NDC1: variants seen among roughly 807,000 people sequenced by gnomAD.
NDC1 encodes the protein NDC1 transmembrane nucleoporin.
NDC1 carries 24 observed loss-of-function variants against 89.8 expected under a neutral mutation model. The ratio of observed to expected loss-of-function variants is 0.27; its 90% CI spans 0.19 to 0.38. The LOEUF (loss-of-function observed/expected upper bound fraction) is 0.38, where lower values mean the gene tolerates loss of function less well. Among genes scored for constraint, NDC1 ranks in the 10% least tolerant of loss-of-function variants. NDC1 has a pLI of 1.00. For missense variants in NDC1, 728 were observed against 797.6 expected (o/e 0.91, Z 1.05); for synonymous variants, 296 against 284.8 (o/e 1.04, Z -0.39).
At chr1:53,805,288 C>T (rs577510319) in intron 9 of NDC1, among the ~76,000 whole-genome samples, 3 of 152,234 alleles carry the variant, frequency 2.0e-5, no homozygotes, top group African/African-American at 7.2e-5. Context: ...ACTGCAGCCT[C>T]CAACTCTTAG....
At chr1:53,798,293 C>T (rs1647793019) in intron 11 of NDC1, among the ~76,000 whole-genome samples, 1 of 150,548 alleles carries the variant, frequency 6.6e-6, no homozygotes, top group Non-Finnish European at 1.5e-5. Context: ...CCTCAGCCTC[C>T]CGAGTAGCTA....
At chr1:53,789,845 C>G (rs926686059) in intron 14 of NDC1, among the ~76,000 whole-genome samples, 1 of 150,572 alleles carries the variant, frequency 6.6e-6, no homozygotes, top group South Asian at 2.1e-4. Flanking sequence ...GGCTCATGCC[C>G]GTAATCCTAG....
At chr1:53,830,679 G>A (rs1464191984) in intron 3 of NDC1, among the ~76,000 whole-genome samples, 2 of 150,824 alleles carry the variant, frequency 1.3e-5, no homozygotes, top group Non-Finnish European at 3.0e-5. Flanking sequence ...TGACCAACAT[G>A]GAGAAATCCC....
chr1:53,791,486 A>G (rs990496663), intron 14 of NDC1, among the ~76,000 whole-genome samples: 3 of 152,120 alleles, frequency 2.0e-5, no homozygotes, highest in Non-Finnish European at 4.4e-5. Flanking sequence ...ATGTTGCTGT[A>G]AATGACACAA....
chr1:53,831,582 A>T (rs1234297269), intron 3 of NDC1, among the ~76,000 whole-genome samples: 1 of 151,990 alleles, frequency 6.6e-6, no homozygotes, highest in Admixed American at 6.6e-5. Flanking sequence ...CTGAGGCAGG[A>T]GAATCACTTG....
intron 7 of NDC1, among the ~76,000 whole-genome samples, chr1:53,808,031 CT>C (rs1157941123): frequency 6.6e-6 from 1 of 152,190 alleles, no homozygotes; most frequent in African/African-American, 2.4e-5. Context: ...AAAATCTTCA[CT>C]GACTTTTACT....
intron 9 of NDC1, among the ~76,000 whole-genome samples, chr1:53,804,778 C>T (rs898077816): frequency 7.4e-6 from 1 of 135,052 alleles, no homozygotes; most frequent in Non-Finnish European, 1.7e-5. Context: ...TGCCCGGCCA[C>T]CCTATTTTTT....
chr1:53,814,316 T>C (rs1019120391), intron 6 of NDC1, among the ~76,000 whole-genome samples: 9 of 152,010 alleles, frequency 5.9e-5, no homozygotes, highest in Non-Finnish European at 1.3e-4. Flanking sequence ...GATCGCGCCA[T>C]CGCACTCCAG....
At chr1:53,809,807 C>T in intron 6 of NDC1, 61 bp from the exon 7 acceptor site, 5 of 1,320,770 alleles carry the variant, frequency 3.8e-6, no homozygotes, top group Non-Finnish European at 5.5e-6. Flanking sequence ...TTTAGTCAAG[C>T]TTTAGAATAT....
In NDC1 at chr1:53,800,767, T is replaced by C. The variant is rs771920754; in HGVS notation, c.1148A>G (p.Tyr383Cys). Reference sequence around the variant, plus strand: ...CCCATTCGTAGCAGCAGCTTCTTGATAGAGAATCAGTTTCTGAGTCATACC... The same window carrying C: ...CCCATTCGTAGCAGCAGCTTCTTGACAGAGAATCAGTTTCTGAGTCATACC... ...LNGMTQKLILYQEAAATNGRV... is the reference protein window; with the variant it reads ...LNGMTQKLILCQEAAATNGRV... The change falls in exon 11 of 18, where the codon TAT becomes TGT. Residue 383 changes from tyrosine (Y) to cysteine (C), a missense_variant. Transcript: ENST00000371429. 11 of 1,614,048 alleles carry C rather than the reference T, an allele frequency of 6.8e-6. No individual in the cohort carries two copies. The highest frequency in any genetic ancestry group is 9.3e-6 in the Non-Finnish European group (11 of 1,179,934).
chr1:53,770,595 CT>C (rs1305167465), intron 17 of NDC1, among the ~76,000 whole-genome samples: 1 of 152,020 alleles, frequency 6.6e-6, no homozygotes, highest in Non-Finnish European at 1.5e-5. Flanking sequence ...CCATGAGCCT[CT>C]GCAACCGGCC....
intron 4 of NDC1, among the ~76,000 whole-genome samples, chr1:53,827,345 T>C (rs958723434): frequency 4.0e-5 from 6 of 150,956 alleles, no homozygotes; most frequent in East Asian, 1.9e-4. Context: ...GGCATAATCA[T>C]AGGGCACTGC....
intron 14 of NDC1, among the ~76,000 whole-genome samples, chr1:53,792,792 T>G (rs1347897238): frequency 6.6e-6 from 1 of 152,220 alleles, no homozygotes; most frequent in Non-Finnish European, 1.5e-5. Flanking sequence ...TCATTTCATG[T>G]GTGGTCTGAA....
chr1:53,788,897 C>CA (rs34635350), intron 15 of NDC1, among the ~76,000 whole-genome samples: 4,617 of 136,936 alleles, frequency 0.034, 98 homozygotes, highest in Non-Finnish European at 0.05. Context: ...ACTCTGTCTC[C>CA]AAAAAAAAAA....
intron 2 of NDC1, among the ~76,000 whole-genome samples, chr1:53,833,324 TG>T (rs879464715): frequency 6.6e-5 from 10 of 152,024 alleles, no homozygotes; most frequent in Non-Finnish European, 1.2e-4. Flanking sequence ...GGCTATTTTT[TG>T]GGTTCTCACT....
At chr1:53,778,908 G>A (rs566547342) in intron 16 of NDC1, among the ~76,000 whole-genome samples, 49 of 152,114 alleles carry the variant, frequency 3.2e-4, no homozygotes, top group African/African-American at 1.1e-3. Flanking sequence ...TCGGGAGGCC[G>A]AGGCAGGCAG....
At chr1:53,808,613 T>C (rs1156230337) in intron 7 of NDC1, among the ~76,000 whole-genome samples, 4 of 152,190 alleles carry the variant, frequency 2.6e-5, no homozygotes, top group Non-Finnish European at 5.9e-5. Context: ...GGCCCTGACA[T>C]AAATGAAGGA....
At chr1:53,807,881 TA>T in intron 7 of NDC1, 90 bp from the exon 8 acceptor site, 3 of 1,168,522 alleles carry the variant, frequency 2.6e-6, no homozygotes, top group Non-Finnish European at 3.6e-6. Context: ...ACACAAATAT[TA>T]TGTCTAAATA....
chr1:53,826,307 T>C (rs1648860015), intron 4 of NDC1, among the ~76,000 whole-genome samples: 1 of 152,210 alleles, frequency 6.6e-6, no homozygotes, highest in Non-Finnish European at 1.5e-5. Flanking sequence ...TAAAACTGAG[T>C]ATTCCCTCAC....
Sources: gnomAD v4.1 joint callset for allele counts (sites outside exome capture counted in the v4.1 genomes callset) on GRCh38, gnomAD v4.1.1 for gene constraint, MANE v1.5 for transcripts, NCBI Gene and HGNC (gene_info 2026-07-23, HGNC 2026-07-21) for gene names.